Variants in SPNS2 observed in about 807,000 individuals in gnomAD.
SPNS2 encodes the protein sphingosine-1-phosphate transporter SPNS2.
Under a neutral mutation model 57.6 loss-of-function variants are expected in SPNS2, and 37 were observed. The observed-to-expected ratio is 0.64, with a 90% CI of 0.49 to 0.85. The LOEUF (loss-of-function observed/expected upper bound fraction) is 0.85. SPNS2 is among the 40% of genes least tolerant of loss of function. SPNS2 has a pLI of 0.00. For synonymous variants in SPNS2, 440 were observed against 346.9 expected (o/e 1.27, Z -2.98); for missense variants, 831 against 779.1 (o/e 1.07, Z -0.79).
rs541484422 is a variant in SPNS2, at chr17:4,534,405, G to A, written c.1344+552G>A. On this transcript the variant is annotated intron_variant, in intron 9 of 12. Coordinates refer to ENST00000329078, the MANE Select transcript of SPNS2 (RefSeq NM_001124758.3). Reference sequence around the variant, plus strand: ...GCCAGGAGTGGAGCTAGGAGTTCATGGCCCTCTGGGCGTGGCAGGGGTGAG... The same window carrying A: ...GCCAGGAGTGGAGCTAGGAGTTCATAGCCCTCTGGGCGTGGCAGGGGTGAG... The A allele has an allele frequency of 4.6e-5, 8 of 174,262 alleles. No homozygotes were observed. In the South Asian group the frequency reaches 1.1e-3, roughly 24 times the overall value. The allele number at this position is 174,262 out of a possible 1,614,324, so 10.8% of individuals were successfully genotyped here. A position where few individuals can be genotyped will look rare whatever the true frequency, so the allele number is the denominator to read the frequency against.
At chr17:4,513,432 T>G in intron 2 of SPNS2, 120 bp downstream of exon 2, 1 of 1,070,002 alleles carries the variant, frequency 9.3e-7, no homozygotes, top group African/African-American at 1.5e-5. Context: ...GGAAAGAGAG[T>G]GGGCTTTGCA....
rs756734856 is a variant in SPNS2 at position 4,536,891 on chromosome 17, C to CT, written c.1608-8dup. 18 of 1,613,314 alleles carry CT rather than the reference C, an allele frequency of 1.1e-5. No homozygotes were observed. Among genetic ancestry groups the CT allele is most frequent in the Admixed American group, 8.3e-5 (5 of 59,978 alleles). ...GCACCACCCTGACCCCCGCCCGTCT[C>CT]TCCCCCAGGGTGAACCAGCTGGCGA... On this transcript the variant is annotated splice_polypyrimidine_tract_variant and intron_variant, in intron 11 of 12. Coordinates refer to ENST00000329078, the MANE Select transcript of SPNS2 (RefSeq NM_001124758.3).
intron 9 of SPNS2, among the ~76,000 whole-genome samples, chr17:4,535,451 G>T (rs1407725447): frequency 6.6e-6 from 1 of 152,166 alleles, no homozygotes; most frequent in Admixed American, 6.5e-5. Flanking sequence ...GGGGGTTCAG[G>T]TTCCCTCGGG....
chr17:4,525,217 C>T (rs1485083571), intron 3 of SPNS2, 24 bp downstream of exon 3: 2 of 1,612,754 alleles, frequency 1.2e-6, no homozygotes, highest in Non-Finnish European at 1.7e-6. Flanking sequence ...CGGCTTCTCC[C>T]CGACCCCTGT....
chr17:4,502,692 G>A (rs939464026), intron 1 of SPNS2, among the ~76,000 whole-genome samples: 6 of 152,210 alleles, frequency 3.9e-5, no homozygotes, highest in African/African-American at 1.4e-4. Context: ...TGTATCTCGA[G>A]CACCTGGGAC....
At chr17:4,509,406 C>A (rs920428789) in intron 1 of SPNS2, among the ~76,000 whole-genome samples, 2 of 152,256 alleles carry the variant, frequency 1.3e-5, no homozygotes, top group African/African-American at 4.8e-5. Context: ...TGCCACTGCA[C>A]TTTAGCCTGG....
rs1285994040 is a variant in SPNS2, at chr17:4,533,792, G to GTATC, written c.1285_1288dup (p.Phe430TyrfsTer11). 1 of 1,613,766 alleles carries GTATC rather than the reference G, an allele frequency of 6.2e-7. No homozygotes were observed. The highest frequency in any genetic ancestry group is 8.5e-7 in the Non-Finnish European group (1 of 1,180,008). ...GCTTTGCCTTCTCCCCGGCAGATCT[G>GTATC]TATCTTCGTCGGGGAGACGCTGCTG... On this transcript the variant is annotated frameshift_variant, in exon 9 of 13. Transcript: ENST00000329078. LOFTEE classifies it high-confidence loss of function.
chr17:4,538,561 G>C lies in SPNS2; in HGVS notation c.*1113G>C, dbSNP rs545675014. ...TTCACACCAGCCCCAACCCGCTTTGGGGGAGCTTAGCCCCCTGCGTCACCC... is the reference window on the plus strand; with the variant it reads ...TTCACACCAGCCCCAACCCGCTTTGCGGGAGCTTAGCCCCCTGCGTCACCC... On this transcript the variant is annotated 3_prime_UTR_variant, in exon 13 of 13. Coordinates refer to ENST00000329078, the MANE Select transcript of SPNS2 (RefSeq NM_001124758.3). The C allele has an allele frequency of 1.1e-5, 4 of 355,758 alleles. No homozygotes were observed. Among genetic ancestry groups the C allele is most frequent in the African/African-American group, 6.4e-5 (3 of 47,068 alleles). 22.0% of individuals were successfully genotyped at this position (355,758 alleles called of 1,614,324 possible).
intron 9 of SPNS2, 85 bp downstream of exon 9, chr17:4,533,938 G>T: frequency 1.8e-6 from 2 of 1,141,592 alleles, no homozygotes; most frequent in East Asian, 2.5e-5. Flanking sequence ...GCGGGTGAAG[G>T]GGCGGGAGAG....
In SPNS2 at chr17:4,538,487, T is replaced by A; in HGVS notation, c.*1039T>A. 4.7e-6 allele frequency: 1 copy of A among 213,924 alleles called. No homozygotes were observed. Among genetic ancestry groups the A allele is most frequent in the Admixed American group, 5.6e-5 (1 of 17,970 alleles). The allele number at this position is 213,924 out of a possible 1,614,324, so 13.3% of individuals were successfully genotyped here. A position where few individuals can be genotyped will look rare whatever the true frequency, so the allele number is the denominator to read the frequency against. On this transcript the variant is annotated 3_prime_UTR_variant, in exon 13 of 13. Coordinates refer to ENST00000329078, the MANE Select transcript of SPNS2 (RefSeq NM_001124758.3). ...GTGACCCCAGGGGGGGGCCAGGCCT[T>A]CGATCACCCACCTCCCATCCATGCA...
chr17:4,499,126 C>T lies in SPNS2; in HGVS notation c.79C>T (p.Arg27Cys), dbSNP rs1904370992. ...GGCGGACGCGGAGCGGCGGCGCCGG[C>T]GCCGGGGGGCGCAGCGAGGGGCTGG... ...EEADAERRRR[R>C]RGAQRGAGGS... Residue 27 changes from arginine to cysteine, a missense_variant, in exon 1 of 13, where the codon CGC becomes TGC. Around this residue, in one of 2 missense-constraint regions of SPNS2, gnomAD observed 305 missense variants for 378.3 expected, o/e 0.81. Coordinates refer to ENST00000329078, the MANE Select transcript of SPNS2 (RefSeq NM_001124758.3). The surrounding 1 kb of genome is among the most constrained non-coding windows in gnomAD (Gnocchi z 5.2). 4.4e-6 allele frequency: 5 copies of T among 1,134,734 alleles called. No homozygotes were observed. The African/African-American group carries it at 6.6e-5, about 15-fold the overall frequency. The allele number at this position is 1,134,734 out of a possible 1,614,324, so 70.3% of individuals were successfully genotyped here.
intron 2 of SPNS2, 106 bp from the exon 3 acceptor site, chr17:4,524,951 T>A (rs1905226910): frequency 1.3e-6 from 2 of 1,504,356 alleles, no homozygotes; most frequent in African/African-American, 2.8e-5. Context: ...GCTGCTTCCT[T>A]GGTCCCTTTG....
In SPNS2 at chr17:4,532,577, C is replaced by T. The variant is rs1905538566; in HGVS notation, c.828C>T (p.Leu276=). Residue 276 remains leucine (L), a synonymous_variant, in exon 6 of 13, where the codon CTC becomes CTT. Transcript: ENST00000329078. The part of the protein sequence containing the change: ...SPVLGMITGT[L]ILILVPATKR... The stretch of plus-strand genomic sequence containing the variant: ...TCCTGGGCATGATCACAGGAACACT[C>T]ATCCTCATTCTGGTCCCAGCCACTA... 1.9e-6 allele frequency: 3 copies of T among 1,614,046 alleles called. No homozygotes were observed. The highest frequency in any genetic ancestry group is 1.1e-5 in the South Asian group (1 of 91,086).
intron 2 of SPNS2, among the ~76,000 whole-genome samples, chr17:4,516,331 A>AAAAAAAAAAAAAC (rs1227557587): frequency 8.8e-6 from 1 of 113,586 alleles, no homozygotes. Flanking sequence ...AAAAAAAAAA[A>AAAAAAAAAAAAAC]AAAAAAAAAA....
At position 4,511,698 on chromosome 17, in the gene SPNS2, A is replaced by G. The variant is rs1904832531; in HGVS notation, c.371-1549A>G. On this transcript the variant is annotated intron_variant, in intron 1 of 12. Transcript: ENST00000329078. This position sits in a 1 kb window ranked among gnomAD's most constrained non-coding sequence, Gnocchi z 4.6. The stretch of plus-strand genomic sequence containing the variant: ...TATTAAGTCATTAACTGGGCCTCAC[A>G]CAGCCTCTTCATTACGGGTAATTAT... Among the ~76,000 whole-genome samples the G allele has an allele frequency of 6.6e-6, 1 of 152,228 alleles. No individual in the cohort carries two copies. Among genetic ancestry groups the G allele is most frequent in the South Asian group, 2.1e-4 (1 of 4,832 alleles).
At chr17:4,503,261 G>A (rs903978087) in intron 1 of SPNS2, among the ~76,000 whole-genome samples, 2 of 152,224 alleles carry the variant, frequency 1.3e-5, no homozygotes, top group Non-Finnish European at 2.9e-5. Context: ...GCCTGGGAAC[G>A]CAGAGGCTCT....
Position 4,499,481 on chromosome 17 carries a change from G to A in SPNS2, c.370+64G>A. 2.7e-6 allele frequency: 3 copies of A among 1,112,794 alleles called. No homozygotes were observed. Among genetic ancestry groups the A allele is most frequent in the South Asian group, 2.3e-5 (1 of 43,316 alleles). The allele number at this position is 1,112,794 out of a possible 1,614,324, so 68.9% of individuals were successfully genotyped here. ...CACCCCATCCCACCACCCGCCTCGA[G>A]GGAGGTACCCCAGAGAGCTTTTGGT... On this transcript the variant is annotated intron_variant, in intron 1 of 12. Coordinates refer to ENST00000329078, the MANE Select transcript of SPNS2 (RefSeq NM_001124758.3). The surrounding 1 kb of genome is among the most constrained non-coding windows in gnomAD (Gnocchi z 5.2).
At chr17:4,532,369 A>G (rs1158224313) in intron 5 of SPNS2, among the ~76,000 whole-genome samples, 173 bp from the exon 6 acceptor site, 2 of 151,864 alleles carry the variant, frequency 1.3e-5, no homozygotes, top group African/African-American at 4.8e-5. Context: ...CAGTCTCTTG[A>G]CCGACCTCAG....
intron 2 of SPNS2, among the ~76,000 whole-genome samples, chr17:4,518,693 G>A (rs1034199476): frequency 6.6e-6 from 1 of 152,186 alleles, no homozygotes; most frequent in Non-Finnish European, 1.5e-5. Context: ...GGAGAGTGGG[G>A]ACAGAGGAAG....
Sources: gnomAD v4.1 joint callset for allele counts (sites outside exome capture counted in the v4.1 genomes callset) on GRCh38, gnomAD v4.1.1 for gene constraint, gnomAD v4.1.1 regional missense constraint, Gnocchi (gnomAD v3.1) non-coding constraint, MANE v1.5 for transcripts, NCBI Gene and HGNC (gene_info 2026-07-23, HGNC 2026-07-21) for gene names.